CLDN10: variants seen among roughly 807,000 people sequenced by gnomAD.
CLDN10 encodes claudin 10.
Under a neutral mutation model 22.9 loss-of-function variants are expected in CLDN10, and 15 were observed. That is an observed-to-expected ratio of 0.65 (90% CI 0.44 to 1.01). The LOEUF is 1.01. Ranked by LOEUF, CLDN10 falls within the 50% of genes least tolerant of loss-of-function variation. CLDN10 has a pLI of 0.00. For synonymous variants in CLDN10, 114 were observed against 111.4 expected (o/e 1.02, Z -0.15); for missense variants, 247 against 287.8 (o/e 0.86, Z 1.03).
chr13:95,486,813 C>T (rs140143400), intron 1 of CLDN10, among the ~76,000 whole-genome samples: 1 of 152,188 alleles, frequency 6.6e-6, no homozygotes. Context: ...GTTGTGAGCT[C>T]TTTGGGGAGG....
intron 3 of CLDN10, among the ~76,000 whole-genome samples, chr13:95,565,683 T>C (rs2043777573): frequency 1.3e-5 from 2 of 152,204 alleles, no homozygotes; most frequent in South Asian, 4.1e-4. Context: ...CATGCAGGTT[T>C]GTTACATAGG....
chr13:95,440,710 A>G (rs539652461), intron 1 of CLDN10, among the ~76,000 whole-genome samples: 1 of 152,202 alleles, frequency 6.6e-6, no homozygotes, highest in Non-Finnish European at 1.5e-5. Context: ...GCATAATATT[A>G]TATGTGTACT....
At chr13:95,471,345 C>G (rs769655517) in intron 1 of CLDN10, among the ~76,000 whole-genome samples, 11 of 137,912 alleles carry the variant, frequency 8.0e-5, no homozygotes, top group Non-Finnish European at 1.2e-4. Context: ...TCAGCTCTGA[C>G]TTATGGATAT....
upstream of CLDN10, among the ~76,000 whole-genome samples, chr13:95,551,640 T>G (rs1242872693): frequency 2.6e-5 from 4 of 152,226 alleles, no homozygotes; most frequent in Admixed American, 2.6e-4. Context: ...GCAGACTGAT[T>G]GATAGGTTTT....
chr13:95,474,716 G>C (rs924850592), intron 1 of CLDN10, among the ~76,000 whole-genome samples: 5 of 152,232 alleles, frequency 3.3e-5, no homozygotes, highest in African/African-American at 1.2e-4. Context: ...ATGTAGAAAC[G>C]GATGGGGAGA....
At chr13:95,507,900 G>A (rs2043055278) in intron 1 of CLDN10, among the ~76,000 whole-genome samples, 1 of 152,068 alleles carries the variant, frequency 6.6e-6, no homozygotes, top group Non-Finnish European at 1.5e-5. Context: ...TGGGATTACA[G>A]GTGTGAGCCA....
intron 1 of CLDN10, among the ~76,000 whole-genome samples, chr13:95,458,035 G>A (rs917976169): frequency 2.0e-5 from 3 of 152,126 alleles, no homozygotes; most frequent in African/African-American, 7.2e-5. Flanking sequence ...GTCTAATGGG[G>A]GTTGGCTGAC....
chr13:95,519,403 T>C (rs2043202907), intron 1 of CLDN10, among the ~76,000 whole-genome samples: 1 of 152,216 alleles, frequency 6.6e-6, no homozygotes, highest in Non-Finnish European at 1.5e-5. Flanking sequence ...GGCAGGAACA[T>C]ACAAATCTGA....
chr13:95,471,440 C>T (rs191436885), intron 1 of CLDN10, among the ~76,000 whole-genome samples: 10,854 of 104,544 alleles, frequency 0.1, 940 homozygotes, highest in South Asian at 0.21. Flanking sequence ...CACACACACA[C>T]ATATATATAT....
intron 1 of CLDN10, among the ~76,000 whole-genome samples, chr13:95,508,387 C>A (rs9524993): frequency 0.42 from 63,591 of 152,020 alleles, 13,460 homozygotes; most frequent in South Asian, 0.46. Flanking sequence ...TCACAGAATA[C>A]GGCCAAGTAC....
intron 1 of CLDN10, among the ~76,000 whole-genome samples, chr13:95,530,253 T>C (rs778504740): frequency 1.3e-5 from 2 of 152,206 alleles, no homozygotes; most frequent in Non-Finnish European, 2.9e-5. Flanking sequence ...CCATTTCCCA[T>C]GCACTGAAAG....
At chr13:95,484,929 G>A (rs1421697702) in intron 1 of CLDN10, among the ~76,000 whole-genome samples, 1 of 151,046 alleles carries the variant, frequency 6.6e-6, no homozygotes, top group Non-Finnish European at 1.5e-5. Context: ...GTATGATGGG[G>A]TCTTATTTAG....
At chr13:95,500,489 G>A (rs1380077969) in intron 1 of CLDN10, among the ~76,000 whole-genome samples, 5 of 152,210 alleles carry the variant, frequency 3.3e-5, no homozygotes, top group African/African-American at 1.2e-4. Context: ...TGTTGGAGTA[G>A]AGTGAGGGTG....
intron 1 of CLDN10, among the ~76,000 whole-genome samples, chr13:95,487,816 A>G (rs1402307314): frequency 6.6e-6 from 1 of 151,976 alleles, no homozygotes; most frequent in African/African-American, 2.4e-5. Flanking sequence ...CTAGGACTAC[A>G]GGTGCACACC....
At chr13:95,515,213 T>G (rs965609780) in intron 1 of CLDN10, among the ~76,000 whole-genome samples, 1 of 148,692 alleles carries the variant, frequency 6.7e-6, no homozygotes, top group African/African-American at 2.5e-5. Context: ...TGTTGTTGTT[T>G]TTTGAGACAG....
intron 1 of CLDN10, among the ~76,000 whole-genome samples, chr13:95,553,656 G>C (rs946353498): frequency 1.3e-5 from 2 of 152,234 alleles, no homozygotes; most frequent in Non-Finnish European, 2.9e-5. Flanking sequence ...AGAGGGTAGG[G>C]AATCTTGGGC....
At chr13:95,454,211 G>A (rs1316276279) in intron 1 of CLDN10, among the ~76,000 whole-genome samples, 3 of 151,980 alleles carry the variant, frequency 2.0e-5, no homozygotes, top group South Asian at 4.2e-4. Context: ...AGGCTGAGGC[G>A]GGTGGATCAC....
intron 1 of CLDN10, among the ~76,000 whole-genome samples, chr13:95,543,981 C>CA (rs2043484383): frequency 6.6e-6 from 1 of 152,110 alleles, no homozygotes; most frequent in Non-Finnish European, 1.5e-5. Flanking sequence ...AGAGCAAATA[C>CA]AAATTAGACA....
chr13:95,552,459 C>T (rs1421208180), upstream of CLDN10, among the ~76,000 whole-genome samples: 1 of 152,250 alleles, frequency 6.6e-6, no homozygotes, highest in Non-Finnish European at 1.5e-5. Flanking sequence ...GCGAGCCCTT[C>T]TCCGCGGCCC....
Sources: allele counts gnomAD v4.1 joint callset (sites outside exome capture counted in the v4.1 genomes callset), GRCh38; gene constraint gnomAD v4.1.1; transcripts MANE v1.5; gene names NCBI Gene and HGNC (gene_info 2026-07-23, HGNC 2026-07-21).